The following LRRC72 variants were observed in gnomAD, a reference collection of about 807,000 sequenced individuals.
LRRC72 encodes the protein leucine rich repeat containing 72.
LRRC72 carries 41 observed loss-of-function variants against 35.8 expected under a neutral mutation model. The observed-to-expected ratio is 1.15, with a 90% CI of 0.89 to 1.49. The LOEUF is 1.49. LRRC72 is among the 40% of genes most tolerant of loss of function. The pLI is 0.00. For synonymous variants in LRRC72, 118 were observed against 119.2 expected (o/e 0.99, Z 0.07); for missense variants, 389 against 330.7 (o/e 1.18, Z -1.37).
At chr7:16,575,787 T>C (rs1392942203) in intron 7 of LRRC72, among the ~76,000 whole-genome samples, 3 of 152,258 alleles carry the variant, frequency 2.0e-5, no homozygotes, top group Middle Eastern at 3.4e-3. Flanking sequence ...GAAAGGAGTC[T>C]TTAGATAGAA....
intron 7 of LRRC72, among the ~76,000 whole-genome samples, chr7:16,572,007 G>C (rs753058404): frequency 1.3e-5 from 2 of 152,174 alleles, no homozygotes; most frequent in African/African-American, 2.4e-5. Context: ...GAGCTTGGTG[G>C]GGGGAGGGGC....
chr7:16,559,655 G>A (rs1179109570), intron 5 of LRRC72, among the ~76,000 whole-genome samples: 2 of 152,024 alleles, frequency 1.3e-5, no homozygotes, highest in Non-Finnish European at 2.9e-5. Flanking sequence ...CAGCAACACC[G>A]AGAGGTAACT....
At chr7:16,557,788 G>A (rs1314349124) in intron 4 of LRRC72, among the ~76,000 whole-genome samples, 2 of 152,080 alleles carry the variant, frequency 1.3e-5, no homozygotes, top group Non-Finnish European at 2.9e-5. Context: ...TTGGCTATAT[G>A]TTCTACCAGC....
At position 16,559,004 on chromosome 7, in the gene LRRC72, C is replaced by T. The variant is rs1378185547; in HGVS notation, c.427+5C>T. 15 of 1,486,868 alleles carry T rather than the reference C, an allele frequency of 1.0e-5. No homozygotes were observed. Among genetic ancestry groups the T allele is most frequent in the Admixed American group, 2.1e-5 (1 of 47,434 alleles). 92.1% of individuals were successfully genotyped at this position (1,486,868 alleles called of 1,614,324 possible). A position where few individuals can be genotyped will look rare whatever the true frequency, so the allele number is the denominator to read the frequency against. ...TGCTAAATCTGAAGATCCTAAGTAA[C>T]AATTTGCAATTTTATATGGCCATAA... On this transcript the variant is annotated splice_donor_5th_base_variant and intron_variant, in intron 5 of 8. Transcript: ENST00000401542.
intron 3 of LRRC72, among the ~76,000 whole-genome samples, chr7:16,538,912 T>TA (rs1170942076): frequency 6.6e-6 from 1 of 152,222 alleles, no homozygotes; most frequent in Non-Finnish European, 1.5e-5. Context: ...GTGAGTCAAT[T>TA]AAACCTGTCT....
In LRRC72 at chr7:16,537,436, C is replaced by CA. The variant is rs1782276348; in HGVS notation, c.165-187dup. Among the ~76,000 whole-genome samples the CA allele has an allele frequency of 2.6e-5, 4 of 152,144 alleles. No homozygotes were observed. In the South Asian group the frequency reaches 8.3e-4, roughly 31 times the overall value. On this transcript the variant is annotated intron_variant, in intron 2 of 8. Transcript: ENST00000401542. ...TCAAGTATCAGCTTCAACTAGCTGA[C>CA]AAAATCTTAATCCAAGTGAATGAAG...
chr7:16,577,762 A>G (rs1783067376), intron 7 of LRRC72, among the ~76,000 whole-genome samples: 1 of 152,254 alleles, frequency 6.6e-6, no homozygotes, highest in African/African-American at 2.4e-5. Flanking sequence ...GACAAGACAT[A>G]TATACAAAGA....
intron 3 of LRRC72, among the ~76,000 whole-genome samples, chr7:16,541,448 G>A (rs1030934123): frequency 3.3e-5 from 5 of 152,146 alleles, no homozygotes; most frequent in Admixed American, 2.0e-4. Flanking sequence ...CCAACTAAGT[G>A]GAAAATGGAA....
At chr7:16,575,760 A>G (rs1428270598) in intron 7 of LRRC72, among the ~76,000 whole-genome samples, 1 of 152,222 alleles carries the variant, frequency 6.6e-6, no homozygotes, top group Non-Finnish European at 1.5e-5. Context: ...TTATTGGAGT[A>G]GACCATGCTG....
At position 16,572,055 on chromosome 7, in the gene LRRC72, C is replaced by T. The variant is rs115224526; in HGVS notation, c.670+4512C>T. On this transcript the variant is annotated intron_variant, in intron 7 of 8. Coordinates refer to ENST00000401542, the MANE Select transcript of LRRC72 (RefSeq NM_001195280.2). ...AGAAGCTTGAGTAGGTGGTTTTCCC[C>T]TCACAGTGTTAACAAAGCCGCCAGG... 7.2e-3 allele frequency among the ~76,000 whole-genome samples: 1,099 copies of T among 152,240 alleles called. 16 individuals carry two copies. The highest frequency in any genetic ancestry group is 0.025 in the African/African-American group (1,027 of 41,542).
intron 3 of LRRC72, 67 bp downstream of exon 3, chr7:16,537,763 G>A (rs983542075): frequency 1.1e-6 from 1 of 918,260 alleles, no homozygotes; most frequent in African/African-American, 1.7e-5. Context: ...ATTCCTAATA[G>A]AGCTAATCTT....
rs760203919 is a variant in LRRC72 at position 16,567,507 on chromosome 7, C to G, written c.634C>G (p.Pro212Ala). 1.3e-6 allele frequency: 2 copies of G among 1,491,480 alleles called. No homozygotes were observed. The highest frequency in any genetic ancestry group is 1.8e-6 in the Non-Finnish European group (2 of 1,117,890). 92.4% of individuals were successfully genotyped at this position (1,491,480 alleles called of 1,614,324 possible). A position where few individuals can be genotyped will look rare whatever the true frequency, so the allele number is the denominator to read the frequency against. Residue 212 changes from proline to alanine, a missense_variant, in exon 7 of 9, where the codon CCA becomes GCA. Coordinates refer to ENST00000401542, the MANE Select transcript of LRRC72 (RefSeq NM_001195280.2). ...KVDASWDPKS[P>A]FKQKPAQRVP... is the part of the protein sequence containing the mutation. ...GGATGCTTCATGGGATCCTAAATCA[C>G]CATTTAAGCAAAAACCAGCCCAGAG... is the stretch of plus-strand genomic sequence containing the variant.
chr7:16,545,246 C>T (rs1782425560), intron 3 of LRRC72, among the ~76,000 whole-genome samples: 1 of 152,168 alleles, frequency 6.6e-6, no homozygotes, highest in African/African-American at 2.4e-5. Context: ...GTTATGATTT[C>T]CTAGCTCCTA....
chr7:16,577,673 G>T (rs975029807), intron 7 of LRRC72, among the ~76,000 whole-genome samples: 1 of 152,000 alleles, frequency 6.6e-6, no homozygotes, highest in African/African-American at 2.4e-5. Flanking sequence ...ATAATAGGCA[G>T]AAGTTAACAC....
chr7:16,573,339 T>G (rs763359432), intron 7 of LRRC72, among the ~76,000 whole-genome samples: 1 of 152,208 alleles, frequency 6.6e-6, no homozygotes, highest in African/African-American at 2.4e-5. Context: ...AGAGCCTGTA[T>G]AGCCAAGACA....
chr7:16,542,916 C>T (rs1364968082), intron 3 of LRRC72, among the ~76,000 whole-genome samples: 2 of 151,984 alleles, frequency 1.3e-5, no homozygotes, highest in Non-Finnish European at 2.9e-5. Flanking sequence ...TTAATTTGTT[C>T]TTTATGAAAG....
At chr7:16,580,657 A>T (rs1783126391) in intron 8 of LRRC72, among the ~76,000 whole-genome samples, 1 of 152,210 alleles carries the variant, frequency 6.6e-6, no homozygotes, top group Non-Finnish European at 1.5e-5. Flanking sequence ...AAATAAAAAA[A>T]TAAAAAATAA....
intron 5 of LRRC72, 121 bp from the exon 6 acceptor site, chr7:16,566,192 G>A: frequency 1.7e-6 from 1 of 592,724 alleles, no homozygotes; most frequent in East Asian, 3.0e-5. Flanking sequence ...TGCTTGATAT[G>A]GAGAAGAGCT....
intron 7 of LRRC72, 132 bp from the exon 8 acceptor site, chr7:16,579,942 C>A (rs944857567): frequency 3.6e-5 from 7 of 196,814 alleles, no homozygotes; most frequent in East Asian, 1.7e-4. Context: ...ACAGATTGAA[C>A]TATTTGCGTA....
Sources: allele counts gnomAD v4.1 joint callset (sites outside exome capture counted in the v4.1 genomes callset), GRCh38; gene constraint gnomAD v4.1.1; transcripts MANE v1.5; gene names NCBI Gene and HGNC (gene_info 2026-07-23, HGNC 2026-07-21).